The following FAM149A variants were observed in gnomAD, a reference collection of about 807,000 sequenced individuals.
FAM149A encodes the protein protein FAM149A.
In FAM149A, 71 loss-of-function variants were observed where a neutral mutation model predicts 78.2. That is an observed-to-expected ratio of 0.91 (90% CI 0.75 to 1.11). The LOEUF is 1.11. FAM149A is among the 50% of genes least tolerant of loss of function. The pLI, the probability that FAM149A is intolerant of heterozygous loss-of-function variation, is 0.00. For missense variants in FAM149A, 1,036 were observed against 971.0 expected (o/e 1.07, Z -0.89); for synonymous variants, 446 against 410.5 (o/e 1.09, Z -1.04).
chr4:186,135,069 A>C (rs1453924780), intron 1 of FAM149A, among the ~76,000 whole-genome samples: 1 of 152,166 alleles, frequency 6.6e-6, no homozygotes, highest in Non-Finnish European at 1.5e-5. Flanking sequence ...CGCACTGCAG[A>C]CTTGCTGCAC....
At chr4:186,141,415 T>C (rs1328255344) in intron 1 of FAM149A, among the ~76,000 whole-genome samples, 1 of 152,204 alleles carries the variant, frequency 6.6e-6, no homozygotes, top group Non-Finnish European at 1.5e-5. Context: ...TACCTGTTTC[T>C]TTTACTTTAT....
At chr4:186,125,492 T>TCAGC (rs1336945967) in intron 1 of FAM149A, 2 of 376,238 alleles carry the variant, frequency 5.3e-6, no homozygotes, top group Non-Finnish European at 7.3e-6. Flanking sequence ...AGTCCGTCCG[T>TCAGC]CAGCCAGCCA....
chr4:186,159,227 T>C (rs1734316815), intron 8 of FAM149A, among the ~76,000 whole-genome samples: 1 of 151,778 alleles, frequency 6.6e-6, no homozygotes, highest in African/African-American at 2.4e-5. Flanking sequence ...TCAGGTGCAA[T>C]ACATTCTGTG....
intron 8 of FAM149A, among the ~76,000 whole-genome samples, chr4:186,159,348 A>T (rs942601031): frequency 4.6e-5 from 7 of 152,146 alleles, no homozygotes; most frequent in Non-Finnish European, 8.8e-5. Flanking sequence ...TGAAGGTAAA[A>T]TTTGAGCAGG....
intron 6 of FAM149A, among the ~76,000 whole-genome samples, chr4:186,155,713 C>A (rs1250752622): frequency 1.3e-5 from 2 of 151,530 alleles, no homozygotes; most frequent in Non-Finnish European, 1.5e-5. Flanking sequence ...AGAAAAAGAA[C>A]AAACTAAGCC....
Position 186,131,918 on chromosome 4 carries a change from C to T in FAM149A, c.567-17255C>T, listed in dbSNP as rs531590929. The T allele has an allele frequency of 9.7e-5, 96 of 985,416 alleles. No individual in the cohort carries two copies. The African/African-American group carries it at 1.6e-3, about 16-fold the overall frequency. The allele number at this position is 985,416 out of a possible 1,614,324, so 61.0% of individuals were successfully genotyped here. On this transcript the variant is annotated intron_variant, in intron 1 of 13. Coordinates refer to ENST00000389354, the MANE Select transcript of FAM149A (RefSeq NM_001367768.3). ...AAGGTTTTAAATGACCCCAAACAAGCTTTGTAAGGCCAGCTAGCCCTTTAA... is the reference window on the plus strand; with the variant it reads ...AAGGTTTTAAATGACCCCAAACAAGTTTTGTAAGGCCAGCTAGCCCTTTAA...
At chr4:186,111,528 G>A (rs2099311285) in intron 1 of FAM149A, among the ~76,000 whole-genome samples, 1 of 151,978 alleles carries the variant, frequency 6.6e-6, no homozygotes, top group Admixed American at 6.6e-5. Flanking sequence ...TATGGTTTTA[G>A]GTCTAACGTT....
At chr4:186,145,049 C>T (rs1187491267) in intron 1 of FAM149A, 2 of 983,312 alleles carry the variant, frequency 2.0e-6, no homozygotes, top group Non-Finnish European at 2.4e-6. Context: ...CTGACGGTGC[C>T]CGAGCCTAGC....
At chr4:186,109,333 G>A in intron 1 of FAM149A, 1 of 647,592 alleles carries the variant, frequency 1.5e-6, no homozygotes, top group South Asian at 6.8e-5. Context: ...GAGTGATTGA[G>A]TTCCATTGTT....
intron 9 of FAM149A, 88 bp from the exon 10 acceptor site, chr4:186,163,335 TC>T (rs2126529817): frequency 1.0e-6 from 1 of 1,001,846 alleles, no homozygotes; most frequent in Non-Finnish European, 1.6e-6. Flanking sequence ...GCCAGACTGT[TC>T]TAGGCAGTGC....
Position 186,147,950 on chromosome 4 carries a change from T to C in FAM149A, c.567-1223T>C, listed in dbSNP as rs185595170. Among the ~76,000 whole-genome samples the C allele has an allele frequency of 5.8e-4, 89 of 152,344 alleles. 2 individuals are homozygous for C. The highest frequency in any genetic ancestry group is 2.0e-3 in the African/African-American group (85 of 41,574). On this transcript the variant is annotated intron_variant, in intron 1 of 13. Transcript: ENST00000389354. ...GAGAATAAAAACAATCATATAATTC[T>C]ATTATTCTCTCTTGCATGAGACGTA...
At chr4:186,128,232 A>C (rs1010016644) in intron 1 of FAM149A, among the ~76,000 whole-genome samples, 2 of 151,598 alleles carry the variant, frequency 1.3e-5, no homozygotes, top group East Asian at 3.9e-4. Flanking sequence ...CAGGTGATCC[A>C]CCCACCTCTG....
intron 1 of FAM149A, chr4:186,116,571 C>T (rs1298153905): frequency 2.0e-6 from 2 of 980,746 alleles, no homozygotes; most frequent in East Asian, 1.2e-4. Flanking sequence ...TTAAATTATC[C>T]TCTTTCTTTG....
At position 186,172,161 on chromosome 4, in the gene FAM149A, G is replaced by A. The variant is rs969157906; in HGVS notation, c.*174G>A. On this transcript the variant is annotated 3_prime_UTR_variant, in exon 14 of 14. Transcript: ENST00000389354. Reference sequence around the variant, plus strand: ...TCTTGAACACTTTGCACTGTAAAGAGAGTGAAAGTCAAACCCACCAAGCTG... The same window carrying A: ...TCTTGAACACTTTGCACTGTAAAGAAAGTGAAAGTCAAACCCACCAAGCTG... 3 of 1,042,798 alleles carry A rather than the reference G, an allele frequency of 2.9e-6. No individual in the cohort carries two copies. The highest frequency in any genetic ancestry group is 3.3e-5 in the African/African-American group (2 of 60,618). The allele number at this position is 1,042,798 out of a possible 1,614,324, so 64.6% of individuals were successfully genotyped here.
chr4:186,121,324 T>C (rs2099315991), intron 1 of FAM149A, among the ~76,000 whole-genome samples: 1 of 152,184 alleles, frequency 6.6e-6, no homozygotes, highest in African/African-American at 2.4e-5. Flanking sequence ...TAATTAAATA[T>C]TGACAACTGT....
chr4:186,149,780 A>G, intron 3 of FAM149A, 76 bp downstream of exon 3: 2 of 1,043,198 alleles, frequency 1.9e-6, no homozygotes, highest in South Asian at 1.6e-5. Context: ...ATTCAAAATT[A>G]TTTTTACCAA....
At chr4:186,130,314 T>TATATATAA (rs141900902) in intron 1 of FAM149A, among the ~76,000 whole-genome samples, 12,619 of 116,092 alleles carry the variant, frequency 0.11, 966 homozygotes, top group East Asian at 0.13. Context: ...TATATATATA[T>TATATATAA]AATCTATATC....
intron 8 of FAM149A, chr4:186,158,206 T>C (rs967595223): frequency 1.6e-6 from 2 of 1,279,134 alleles, no homozygotes; most frequent in African/African-American, 3.0e-5. Context: ...GCCGCTTCTC[T>C]CCTGGAACCT....
chr4:186,121,863 CTT>C (rs1404486915), intron 1 of FAM149A, among the ~76,000 whole-genome samples: 1 of 152,164 alleles, frequency 6.6e-6, no homozygotes, highest in Non-Finnish European at 1.5e-5. Flanking sequence ...ACATTTGGCT[CTT>C]GATATAATCC....
Sources: allele counts gnomAD v4.1 joint callset (sites outside exome capture counted in the v4.1 genomes callset), GRCh38; gene constraint gnomAD v4.1.1; transcripts MANE v1.5; gene names NCBI Gene and HGNC (gene_info 2026-07-23, HGNC 2026-07-21).